Variants in ZFHX3 observed in about 807,000 individuals in gnomAD.
The protein encoded by ZFHX3 is zinc finger homeobox 3.
A neutral mutation model predicts 279.1 loss-of-function variants in ZFHX3; 42 were observed. The ratio of observed to expected loss-of-function variants is 0.15; its 90% CI spans 0.12 to 0.19. The LOEUF is 0.19. ZFHX3 is among the 10% of genes least tolerant of loss of function. The probability of loss-of-function intolerance (pLI) is 1.00; values close to 1 mark genes in which losing one functional copy is unlikely to be tolerated. For synonymous variants in ZFHX3, 2,293 were observed against 1,957.8 expected (o/e 1.17, Z -4.52); for missense variants, 4,981 against 4,754.0 (o/e 1.05, Z -1.40).
At chr16:73,488,002 G>A (rs566878861) in intron 2 of ZFHX3, among the ~76,000 whole-genome samples, 72 of 152,246 alleles carry the variant, frequency 4.7e-4, no homozygotes, top group South Asian at 6.2e-4. Context: ...ATACAGAAAC[G>A]CACCCACCCA....
At chr16:73,839,635 CAT>C (rs1961246977) in intron 1 of ZFHX3, among the ~76,000 whole-genome samples, 1 of 152,168 alleles carries the variant, frequency 6.6e-6, no homozygotes, top group African/African-American at 2.4e-5. Context: ...ATCTTGAGTC[CAT>C]CATGATAAAT....
rs1247774949 is a variant in ZFHX3, at chr16:72,986,212, C to T, written c.-49-26018G>A. 2.0e-5 allele frequency among the ~76,000 whole-genome samples: 3 copies of T among 152,040 alleles called. No individual in the cohort carries two copies. The East Asian group carries it at 5.8e-4, about 29-fold the overall frequency. ...CTGTCCTTCTCCACCCTCACCCTGCCCCCAACTTCAGGAAGGGGAGGACGG... is the reference window on the plus strand; with the variant it reads ...CTGTCCTTCTCCACCCTCACCCTGCTCCCAACTTCAGGAAGGGGAGGACGG... On this transcript the variant is annotated intron_variant, in intron 1 of 9. Transcript: ENST00000268489.
chr16:73,838,796 G>A (rs551141709), intron 1 of ZFHX3, among the ~76,000 whole-genome samples: 25 of 152,034 alleles, frequency 1.6e-4, no homozygotes, highest in South Asian at 4.2e-4. Context: ...GTGTGCGTGC[G>A]CGCACGCATG....
intron 5 of ZFHX3, among the ~76,000 whole-genome samples, chr16:72,827,583 G>C (rs2036964316): frequency 6.6e-6 from 1 of 152,170 alleles, no homozygotes; most frequent in African/African-American, 2.4e-5. Context: ...AGCTCACCTG[G>C]CGATCTGTTT....
intron 1 of ZFHX3, among the ~76,000 whole-genome samples, chr16:73,720,348 C>T (rs1235565318): frequency 6.6e-6 from 1 of 152,052 alleles, no homozygotes; most frequent in Non-Finnish European, 1.5e-5. Flanking sequence ...ACAAAAATTA[C>T]CTATAGATGT....
chr16:73,156,483 T>G (rs912374839), intron 5 of ZFHX3, among the ~76,000 whole-genome samples: 1 of 152,148 alleles, frequency 6.6e-6, no homozygotes, highest in Admixed American at 6.5e-5. Context: ...CAAGAAGACA[T>G]CTCCCAAACA....
intron 2 of ZFHX3, among the ~76,000 whole-genome samples, chr16:73,557,012 A>G (rs955675973): frequency 6.8e-6 from 1 of 148,032 alleles, no homozygotes. Context: ...GGAGAATGGC[A>G]TCAACCTGGG....
In ZFHX3 at chr16:72,783,201, T is replaced by C. The variant is rs1187495331; in HGVS notation, c.*3963A>G. ...TTTTGTTGTTTTTTGTTTTTTTTTC[T>C]TTTTGTACATTGCAAAGGCTGTTCA... is the stretch of plus-strand genomic sequence containing the variant. On this transcript the variant is annotated 3_prime_UTR_variant, in exon 10 of 10. Coordinates refer to ENST00000268489, the MANE Select transcript of ZFHX3 (RefSeq NM_006885.4). 2.6e-5 allele frequency: 4 copies of C among 152,458 alleles called. No homozygotes were observed. Among genetic ancestry groups the C allele is most frequent in the Non-Finnish European group, 5.9e-5 (4 of 68,002 alleles). 9.4% of individuals were successfully genotyped at this position (152,458 alleles called of 1,614,324 possible).
intron 1 of ZFHX3, among the ~76,000 whole-genome samples, chr16:73,832,102 T>G (rs910913439): frequency 2.0e-5 from 3 of 152,326 alleles, no homozygotes; most frequent in Non-Finnish European, 1.5e-5. Context: ...GGTTTCACCA[T>G]GTTGGTCAGG....
In ZFHX3 at chr16:72,793,943, G is replaced by A. The variant is rs779212326; in HGVS notation, c.8739C>T (p.Asp2913=). 1.8e-5 allele frequency: 29 copies of A among 1,614,094 alleles called. No individual in the cohort carries two copies. In the South Asian group the frequency reaches 3.0e-4, roughly 16 times the overall value. Residue 2913 remains aspartate (D), a synonymous_variant, in exon 9 of 10, where the codon GAC becomes GAT. Coordinates refer to ENST00000268489, the MANE Select transcript of ZFHX3 (RefSeq NM_006885.4). This position sits in a 1 kb window ranked among gnomAD's most constrained non-coding sequence, Gnocchi z 4.3. Reference sequence around the variant, plus strand: ...CTGCAAGGCTTGAGGTTTCACTGTAGTCCACTGTACCTTCATTGTCATATT... The same window carrying A: ...CTGCAAGGCTTGAGGTTTCACTGTAATCCACTGTACCTTCATTGTCATATT... ...SKEYDNEGTV[D]YSETSSLADP...
At chr16:72,854,731 C>G (rs1348446565) in intron 4 of ZFHX3, among the ~76,000 whole-genome samples, 1 of 151,964 alleles carries the variant, frequency 6.6e-6, no homozygotes, top group African/African-American at 2.4e-5. Context: ...GAAAAACTGA[C>G]AGATCAGCAA....
intron 3 of ZFHX3, among the ~76,000 whole-genome samples, chr16:73,330,716 G>T (rs1275904044): frequency 6.6e-6 from 1 of 152,072 alleles, no homozygotes; most frequent in African/African-American, 2.4e-5. Context: ...AGGGGAGGAT[G>T]GGTCATTATC....
intron 1 of ZFHX3, among the ~76,000 whole-genome samples, chr16:73,868,902 G>T (rs928714485): frequency 6.6e-6 from 1 of 151,910 alleles, no homozygotes; most frequent in Admixed American, 6.6e-5. Flanking sequence ...CTATTGACCT[G>T]CTTTTAAAAT....
chr16:73,258,763 T>C (rs866347212), intron 4 of ZFHX3, among the ~76,000 whole-genome samples: 3 of 152,252 alleles, frequency 2.0e-5, no homozygotes, highest in Non-Finnish European at 2.9e-5. Context: ...TTTATATCTA[T>C]GCTTTTGGAC....
chr16:72,883,021 T>C (rs2038530921), intron 4 of ZFHX3, among the ~76,000 whole-genome samples: 1 of 147,838 alleles, frequency 6.8e-6, no homozygotes. Flanking sequence ...TGTGTGTGTG[T>C]GTGTGTGTGT....
intron 2 of ZFHX3, among the ~76,000 whole-genome samples, chr16:73,648,703 T>C (rs1406622935): frequency 2.6e-5 from 4 of 152,194 alleles, no homozygotes; most frequent in Non-Finnish European, 5.9e-5. Context: ...TGAGCCACCG[T>C]GCTCACCCCA....
rs1248267824 is a variant in ZFHX3 at position 73,516,897 on chromosome 16, A to T, written c.-1546-60639T>A. On this transcript the variant is annotated intron_variant, in intron 2 of 17. Transcript: ENST00000641206. The stretch of plus-strand genomic sequence containing the variant: ...TGAATACTTTTCTGTCTAGTTATAC[A>T]TCAATGTCTGTCATTTCTTTCTTTA... Among the ~76,000 whole-genome samples, 9 of 152,342 alleles carry T rather than the reference A, an allele frequency of 5.9e-5. No homozygotes were observed. The East Asian group carries it at 1.7e-3, about 29-fold the overall frequency.
At chr16:73,549,220 T>C (rs550540765) in intron 2 of ZFHX3, among the ~76,000 whole-genome samples, 2 of 152,282 alleles carry the variant, frequency 1.3e-5, no homozygotes, top group South Asian at 4.1e-4. Flanking sequence ...TTTAAAATTA[T>C]TTTCTGAAGA....
rs140786782 is a variant in ZFHX3 at position 72,929,676 on chromosome 16, C to G, written c.3216+20793G>C. Reference sequence around the variant, plus strand: ...ACGCGGGCTGCGACAGGGCCCTCCACGCAAGCTGGCTGTACATAAACAGTA... The same window carrying G: ...ACGCGGGCTGCGACAGGGCCCTCCAGGCAAGCTGGCTGTACATAAACAGTA... On this transcript the variant is annotated intron_variant, in intron 3 of 9. Transcript: ENST00000268489. Among the ~76,000 whole-genome samples, 123 of 152,344 alleles carry G rather than the reference C, an allele frequency of 8.1e-4. 2 individuals are homozygous for G. The highest frequency in any genetic ancestry group is 2.9e-3 in the African/African-American group (120 of 41,576).
Sources: gnomAD v4.1 joint callset for allele counts (sites outside exome capture counted in the v4.1 genomes callset) on GRCh38, gnomAD v4.1.1 for gene constraint, Gnocchi (gnomAD v3.1) non-coding constraint, MANE v1.5 for transcripts, NCBI Gene and HGNC (gene_info 2026-07-23, HGNC 2026-07-21) for gene names.